Variants in GABRG3 observed in about 807,000 individuals in gnomAD.
The protein encoded by GABRG3 is gamma-aminobutyric acid receptor subunit gamma-3.
In GABRG3, 25 loss-of-function variants were observed where a neutral mutation model predicts 48.8. The ratio of observed to expected loss-of-function variants is 0.51; its 90% CI spans 0.37 to 0.72. The LOEUF (loss-of-function observed/expected upper bound fraction) is 0.72, where lower values mean the gene tolerates loss of function less well. GABRG3 is among the 30% of genes least tolerant of loss of function. The pLI is 0.00. For missense variants in GABRG3, 394 were observed against 577.9 expected (o/e 0.68, Z 3.26); for synonymous variants, 227 against 217.6 (o/e 1.04, Z -0.38).
At chr15:27,012,155 A>T (rs1168855867) in intron 2 of GABRG3, among the ~76,000 whole-genome samples, 2 of 152,058 alleles carry the variant, frequency 1.3e-5, no homozygotes, top group African/African-American at 4.8e-5. Flanking sequence ...TTTCATCTTG[A>T]TTTTTGAAGG....
chr15:27,537,778 AG>A lies in GABRG3; in HGVS notation c.*4899del, dbSNP rs1891580328. ...ATATCAGCTTGATCTAGTTGTATTA[AG>A]GCCAAAAGGCAGACTTTCTTTATAT... On this transcript the variant is annotated 3_prime_UTR_variant, in exon 10 of 10. Transcript: ENST00000615808. The A allele has an allele frequency of 6.6e-6, 1 of 151,438 alleles. No individual in the cohort carries two copies. The highest frequency in any genetic ancestry group is 1.5e-5 in the Non-Finnish European group (1 of 67,872). 9.4% of individuals were successfully genotyped at this position (151,438 alleles called of 1,614,324 possible).
At chr15:27,116,036 A>G (rs1200405704) in intron 3 of GABRG3, among the ~76,000 whole-genome samples, 1 of 152,130 alleles carries the variant, frequency 6.6e-6, no homozygotes. Flanking sequence ...TGGAGGGAAA[A>G]TTACTAAGGG....
intron 3 of GABRG3, among the ~76,000 whole-genome samples, chr15:27,323,095 G>C (rs1368129443): frequency 1.3e-5 from 2 of 152,228 alleles, no homozygotes; most frequent in East Asian, 3.9e-4. Flanking sequence ...AGAAGATAAG[G>C]AGAAAAAGGG....
chr15:27,196,717 G>A (rs902911642), intron 3 of GABRG3, among the ~76,000 whole-genome samples: 3 of 152,184 alleles, frequency 2.0e-5, no homozygotes, highest in South Asian at 2.1e-4. Flanking sequence ...AGTAACAGAC[G>A]CACAAAGAAG....
rs1892634345 is a variant in GABRG3 at position 27,307,391 on chromosome 15, C to CCTATAGGTTTATATATTTATATATAAA, written c.271-19417_271-19416insTATAGGTTTATATATTTATATATAAAC. 7.7e-4 allele frequency among the ~76,000 whole-genome samples: 9 copies of CCTATAGGTTTATATATTTATATATAAA among 11,764 alleles called. 2 individuals are homozygous for CCTATAGGTTTATATATTTATATATAAA. Among genetic ancestry groups the CCTATAGGTTTATATATTTATATATAAA allele is most frequent in the Admixed American group, 2.2e-3 (2 of 902 alleles). 7.7% of individuals were successfully genotyped at this position (11,764 alleles called of 152,430 possible). On this transcript the variant is annotated intron_variant, in intron 3 of 9. Transcript: ENST00000615808. ...TATAGGTTTATATATTTATATATAA[C>CCTATAGGTTTATATATTTATATATAAA]CATATAGGTTTATATATTTATATAT...
In GABRG3 at chr15:27,025,024, CAAA is replaced by C. The variant is rs34897569; in HGVS notation, c.203-1712_203-1710del. ...TGGGAGACAAAGCAAGACCCTGTCT[CAAA>C]AAAAAAAAAAAAAAAAAGCATCTAC... On this transcript the variant is annotated intron_variant, in intron 2 of 9. Transcript: ENST00000615808. Among the ~76,000 whole-genome samples, 8 of 91,624 alleles carry C rather than the reference CAAA, an allele frequency of 8.7e-5. No individual in the cohort carries two copies. In the South Asian group the frequency reaches 1.4e-3, roughly 16 times the overall value. 60.1% of individuals were successfully genotyped at this position (91,624 alleles called of 152,430 possible). A position where few individuals can be genotyped will look rare whatever the true frequency, so the allele number is the denominator to read the frequency against.
At chr15:27,147,923 G>A (rs192495400) in intron 3 of GABRG3, among the ~76,000 whole-genome samples, 1 of 150,906 alleles carries the variant, frequency 6.6e-6, no homozygotes, top group African/African-American at 2.4e-5. Context: ...AAAAGAAGAG[G>A]ACAATAATCC....
chr15:27,240,180 ATGT>A (rs1566976650), intron 3 of GABRG3, among the ~76,000 whole-genome samples: 1 of 152,154 alleles, frequency 6.6e-6, no homozygotes, highest in Non-Finnish European at 1.5e-5. Flanking sequence ...GGCCCCCTCA[ATGT>A]TGTTAAGATC....
intron 5 of GABRG3, among the ~76,000 whole-genome samples, chr15:27,334,778 C>G (rs1893909980): frequency 6.6e-6 from 1 of 151,980 alleles, no homozygotes; most frequent in African/African-American, 2.4e-5. Flanking sequence ...CATAAAAACA[C>G]AATATATTAG....
At chr15:27,305,488 T>A (rs895850651) in intron 3 of GABRG3, among the ~76,000 whole-genome samples, 3 of 146,926 alleles carry the variant, frequency 2.0e-5, no homozygotes, top group African/African-American at 7.4e-5. Context: ...TCTGTGTGTT[T>A]TTTATATATA....
chr15:27,187,102 G>C (rs538300734), intron 3 of GABRG3, among the ~76,000 whole-genome samples: 3 of 152,200 alleles, frequency 2.0e-5, no homozygotes, highest in African/African-American at 7.2e-5. Context: ...TTTATATATG[G>C]TGATAAATAG....
chr15:27,404,383 C>T (rs1887571075), intron 5 of GABRG3, among the ~76,000 whole-genome samples: 2 of 152,194 alleles, frequency 1.3e-5, no homozygotes, highest in African/African-American at 4.8e-5. Flanking sequence ...TGCAGCATGT[C>T]AGTGCTGTCT....
At chr15:27,191,518 T>C (rs996979769) in intron 3 of GABRG3, among the ~76,000 whole-genome samples, 4 of 152,214 alleles carry the variant, frequency 2.6e-5, no homozygotes, top group African/African-American at 9.7e-5. Flanking sequence ...TAGTTTAAAG[T>C]CTGTTTTATC....
rs577534811 is a variant in GABRG3, at chr15:27,540,477, T to C, written c.*7596T>C. The C allele has an allele frequency of 2.8e-4, 43 of 152,256 alleles. No homozygotes were observed. The highest frequency in any genetic ancestry group is 7.8e-4 in the Admixed American group (12 of 15,290). 9.4% of individuals were successfully genotyped at this position (152,256 alleles called of 1,614,324 possible). A position where few individuals can be genotyped will look rare whatever the true frequency, so the allele number is the denominator to read the frequency against. On this transcript the variant is annotated 3_prime_UTR_variant, in exon 10 of 10. Transcript: ENST00000615808. Reference sequence around the variant, plus strand: ...TCCCCCTAACTTATCCTGGCATTTTTACTTTGAATAGAAATAGTCACAGGC... The same window carrying C: ...TCCCCCTAACTTATCCTGGCATTTTCACTTTGAATAGAAATAGTCACAGGC...
At chr15:27,309,229 A>G (rs1307488150) in intron 3 of GABRG3, among the ~76,000 whole-genome samples, 1 of 151,158 alleles carries the variant, frequency 6.6e-6, no homozygotes, top group Non-Finnish European at 1.5e-5. Flanking sequence ...ACATAATGTA[A>G]ACATATATTT....
intron 3 of GABRG3, among the ~76,000 whole-genome samples, chr15:27,208,896 A>G (rs1888970993): frequency 1.3e-5 from 2 of 152,196 alleles, no homozygotes; most frequent in Admixed American, 1.3e-4. Context: ...GGAGGACACT[A>G]CAGAGCAACC....
At chr15:27,132,095 T>C (rs943463161) in intron 3 of GABRG3, among the ~76,000 whole-genome samples, 1 of 152,164 alleles carries the variant, frequency 6.6e-6, no homozygotes, top group Non-Finnish European at 1.5e-5. Flanking sequence ...GTCTTAACTC[T>C]GCTAATTGTT....
Position 27,003,797 on chromosome 15 carries a change from G to A in GABRG3, c.203-22957G>A, listed in dbSNP as rs554792229. Among the ~76,000 whole-genome samples the A allele has an allele frequency of 7.6e-3, 1,152 of 151,756 alleles. 50 individuals carry two copies. The highest frequency in any genetic ancestry group is 0.062 in the Admixed American group (949 of 15,276). On this transcript the variant is annotated intron_variant, in intron 2 of 9. Coordinates refer to ENST00000615808, the MANE Select transcript of GABRG3 (RefSeq NM_033223.5). Reference sequence around the variant, plus strand: ...GGGCTCCTCACTTCCCAGTAGGGGCGGCTGGGCAGAGGCGCCCCTCACCTC... The same window carrying A: ...GGGCTCCTCACTTCCCAGTAGGGGCAGCTGGGCAGAGGCGCCCCTCACCTC...
chr15:27,260,174 G>A (rs1011474050), intron 3 of GABRG3, among the ~76,000 whole-genome samples: 10 of 152,284 alleles, frequency 6.6e-5, no homozygotes, highest in African/African-American at 2.2e-4. Flanking sequence ...TGGAGGCTGG[G>A]AATCCAGGAT....
Sources: gnomAD v4.1 joint callset for allele counts (sites outside exome capture counted in the v4.1 genomes callset) on GRCh38, gnomAD v4.1.1 for gene constraint, MANE v1.5 for transcripts, NCBI Gene and HGNC (gene_info 2026-07-23, HGNC 2026-07-21) for gene names.